Variants in CATSPERT observed in about 807,000 individuals in gnomAD.
CATSPERT encodes the protein cation channel sperm-associated targeting subunit tau.
chr2:201,508,986 G>T, the CATSPERT span, among the ~76,000 whole-genome samples: 2 of 143,088 alleles, frequency 1.4e-5, no homozygotes, highest in Admixed American at 6.7e-5. Flanking sequence ...AATTCTTTTA[G>T]ATATATACCC....
chr2:201,532,301 T>A, the CATSPERT span, among the ~76,000 whole-genome samples: 1 of 152,232 alleles, frequency 6.6e-6, no homozygotes, highest in Non-Finnish European at 1.5e-5. Context: ...ACAACATATT[T>A]CATTCACCTA....
chr2:201,581,437 T>C, the CATSPERT span, among the ~76,000 whole-genome samples: 1 of 125,374 alleles, frequency 8.0e-6, no homozygotes, highest in Non-Finnish European at 1.7e-5. Flanking sequence ...TAATTTCATA[T>C]ATATATATAT....
the CATSPERT span, among the ~76,000 whole-genome samples, chr2:201,525,319 T>C: frequency 0.61 from 93,180 of 151,934 alleles, 30,341 homozygotes; most frequent in East Asian, 0.95. Context: ...CAAAGCCATA[T>C]AATCACATGG....
chr2:201,560,967 G>A, the CATSPERT span, among the ~76,000 whole-genome samples: 1 of 151,944 alleles, frequency 6.6e-6, no homozygotes, highest in Non-Finnish European at 1.5e-5. Context: ...ATTTTTAGTA[G>A]AGACAAGTTT....
At chr2:201,530,499 G>A in the CATSPERT span, among the ~76,000 whole-genome samples, 1 of 152,194 alleles carries the variant, frequency 6.6e-6, no homozygotes, top group African/African-American at 2.4e-5. Context: ...TTGATTCCAA[G>A]TACAGAATTA....
At chr2:201,590,737 T>A in the CATSPERT span, among the ~76,000 whole-genome samples, 29 of 152,326 alleles carry the variant, frequency 1.9e-4, no homozygotes, top group African/African-American at 6.7e-4. Flanking sequence ...TGATGGCCAG[T>A]GATGGAGAGC....
the CATSPERT span, chr2:201,550,508 C>G: frequency 1.3e-5 from 2 of 151,962 alleles, no homozygotes; most frequent in East Asian, 3.9e-4. Context: ...CATGAAACCC[C>G]TAAGAAAAAA....
the CATSPERT span, chr2:201,604,637 G>C: frequency 6.2e-7 from 1 of 1,600,424 alleles, no homozygotes; most frequent in Non-Finnish European, 8.5e-7. Context: ...ACCAAATTTG[G>C]CGTCTCCTGT....
the CATSPERT span, chr2:201,487,556 C>G: frequency 5.6e-5 from 82 of 1,473,282 alleles, no homozygotes; most frequent in Admixed American, 1.5e-3. Context: ...CTGCTGGCCT[C>G]ACATATCATT....
chr2:201,536,074 T>G, the CATSPERT span: 1 of 1,613,358 alleles, frequency 6.2e-7, no homozygotes. Flanking sequence ...TCTTTTAATT[T>G]TACTTCTAAT....
At chr2:201,592,381 G>T in the CATSPERT span, among the ~76,000 whole-genome samples, 1 of 142,756 alleles carries the variant, frequency 7.0e-6, no homozygotes, top group African/African-American at 2.6e-5. Flanking sequence ...GATTCGGTTT[G>T]CCAGTATTTT....
chr2:201,552,833 C>T, the CATSPERT span: 1 of 152,180 alleles, frequency 6.6e-6, no homozygotes, highest in Admixed American at 6.5e-5. Flanking sequence ...GCTTATGATT[C>T]CACACTCCTG....
chr2:201,538,451 C>T, the CATSPERT span, among the ~76,000 whole-genome samples: 1 of 152,074 alleles, frequency 6.6e-6, no homozygotes, highest in Non-Finnish European at 1.5e-5. Flanking sequence ...TCTGTGGCAA[C>T]CTTGCGTTGA....
At chr2:201,551,275 GATTT>G in the CATSPERT span, among the ~76,000 whole-genome samples, 48 of 152,040 alleles carry the variant, frequency 3.2e-4, no homozygotes, top group Middle Eastern at 3.4e-3. Flanking sequence ...AATATACACA[GATTT>G]ATTATAAAAT....
chr2:201,539,278 C>T, the CATSPERT span, among the ~76,000 whole-genome samples: 1 of 152,262 alleles, frequency 6.6e-6, no homozygotes, highest in East Asian at 1.9e-4. Flanking sequence ...TTTACACTCC[C>T]ACCAACAGTG....
the CATSPERT span, chr2:201,493,377 A>G: frequency 6.5e-7 from 1 of 1,536,964 alleles, no homozygotes; most frequent in Non-Finnish European, 8.7e-7. Flanking sequence ...TACTCTGCTC[A>G]GAAAGAGGTT....
At chr2:201,516,786 G>A in the CATSPERT span, among the ~76,000 whole-genome samples, 8 of 137,262 alleles carry the variant, frequency 5.8e-5, no homozygotes, top group Non-Finnish European at 1.1e-4. Flanking sequence ...ACTCACCTGC[G>A]TATGGGGGTG....
the CATSPERT span, among the ~76,000 whole-genome samples, chr2:201,526,531 C>G: frequency 1.3e-5 from 2 of 151,916 alleles, no homozygotes; most frequent in African/African-American, 4.8e-5. Flanking sequence ...AAACAAAAAC[C>G]TAGCAAACCA....
At chr2:201,602,535 A>G in the CATSPERT span, among the ~76,000 whole-genome samples, 1 of 152,192 alleles carries the variant, frequency 6.6e-6, no homozygotes, top group Non-Finnish European at 1.5e-5. Flanking sequence ...TATAAATTAA[A>G]TCCTTTTAAA....
Sources: gnomAD v4.1 joint callset for allele counts (sites outside exome capture counted in the v4.1 genomes callset) on GRCh38, gnomAD v4.1.1 for gene constraint, MANE v1.5 for transcripts, NCBI Gene and HGNC (gene_info 2026-07-23, HGNC 2026-07-21) for gene names.